The following HAPLN2 variants were observed in gnomAD, a reference collection of about 807,000 sequenced individuals.
The protein encoded by HAPLN2 is hyaluronan and proteoglycan link protein 2.
A neutral mutation model predicts 29.3 loss-of-function variants in HAPLN2; 27 were observed. The observed-to-expected ratio is 0.92, with a 90% CI of 0.68 to 1.27. The LOEUF (loss-of-function observed/expected upper bound fraction) is 1.27. Ranked by LOEUF, HAPLN2 falls within the 50% of genes most tolerant of loss-of-function variation. The probability of loss-of-function intolerance (pLI) is 0.00; values close to 1 mark genes in which losing one functional copy is unlikely to be tolerated. For synonymous variants in HAPLN2, 208 were observed against 211.7 expected, an observed-to-expected ratio of 0.98 and a Z score of 0.15; for missense variants, 454 against 484.3, an observed-to-expected ratio of 0.94 and a Z score of 0.59.
chr1:156,615,733 GCTAA>G (rs960306898), upstream of HAPLN2, among the ~76,000 whole-genome samples: 2 of 151,946 alleles, frequency 1.3e-5, no homozygotes, highest in Admixed American at 1.3e-4. Flanking sequence ...ATCATGCCCG[GCTAA>G]CTTTTTGTAT....
At chr1:156,616,694 T>C (rs1423506543), upstream of HAPLN2, among the ~76,000 whole-genome samples, 1 of 152,162 alleles carries the variant, frequency 6.6e-6, no homozygotes, top group African/African-American at 2.4e-5. Context: ...AGGGGGCTAT[T>C]TGTCTTCTCT....
chr1:156,621,564 C>G (rs1678224665), intron 2 of HAPLN2, among the ~76,000 whole-genome samples: 2 of 151,828 alleles, frequency 1.3e-5, no homozygotes, highest in African/African-American at 4.8e-5. Context: ...TGGTGAAACC[C>G]TGTTTCTACT....
At chr1:156,623,717 T>G in intron 3 of HAPLN2, 90 bp from the exon 4 acceptor site, 1 of 1,490,278 alleles carries the variant, frequency 6.7e-7, no homozygotes, top group Non-Finnish European at 8.9e-7. Flanking sequence ...GTTGGGGGGC[T>G]CTGGAGAAAG....
At chr1:156,613,859 T>C in the HAPLN2 span, among the ~76,000 whole-genome samples, 3 of 149,052 alleles carry the variant, frequency 2.0e-5, no homozygotes, top group Non-Finnish European at 3.0e-5. Context: ...AGAGGTTGCA[T>C]TGAGCCAAGA....
upstream of HAPLN2, among the ~76,000 whole-genome samples, chr1:156,618,947 A>G (rs1678134480): frequency 6.6e-6 from 1 of 152,012 alleles, no homozygotes; most frequent in Non-Finnish European, 1.5e-5. Context: ...GAGGTTTCCA[A>G]AGTCCTTCTG....
Position 156,625,080 on chromosome 1 carries a change from G to T in HAPLN2, c.740-21G>T. The stretch of plus-strand genomic sequence containing the variant: ...TCTCCGCCCACCCTGCCCTCGGTCG[G>T]TGACCCGCTGTGGTCCCCAGGCCAA... On this transcript the variant is annotated intron_variant, in intron 6 of 6. Coordinates refer to ENST00000255039, the MANE Select transcript of HAPLN2 (RefSeq NM_021817.3). The surrounding 1 kb of genome is among the most constrained non-coding windows in gnomAD (Gnocchi z 5.7). The T allele has an allele frequency of 6.5e-7, 1 of 1,534,440 alleles. No individual in the cohort carries two copies. The highest frequency in any genetic ancestry group is 8.7e-7 in the Non-Finnish European group (1 of 1,145,998).
rs1678426058 is a variant in HAPLN2 at position 156,625,597 on chromosome 1, G to A, written c.*213G>A. 12 of 508,908 alleles carry A rather than the reference G, an allele frequency of 2.4e-5. No individual in the cohort carries two copies. Among genetic ancestry groups the A allele is most frequent in the South Asian group, 1.4e-4 (4 of 28,746 alleles). 31.5% of individuals were successfully genotyped at this position (508,908 alleles called of 1,614,324 possible). On this transcript the variant is annotated 3_prime_UTR_variant, in exon 7 of 7. Transcript: ENST00000255039. This position sits in a 1 kb window ranked among gnomAD's most constrained non-coding sequence, Gnocchi z 5.7. ...GGCGCCTCCGGCGGCGAGATGCAGA[G>A]GTGACCCTCGGACCCGCTGCCGTTC...
At chr1:156,609,942 G>A in the HAPLN2 span, among the ~76,000 whole-genome samples, 3 of 152,150 alleles carry the variant, frequency 2.0e-5, no homozygotes, top group South Asian at 2.1e-4. Flanking sequence ...CAGGCTGGGC[G>A]CAGTGGCTCA....
At chr1:156,601,935 A>G in the HAPLN2 span, among the ~76,000 whole-genome samples, 1 of 148,868 alleles carries the variant, frequency 6.7e-6, no homozygotes, top group Non-Finnish European at 1.5e-5. Context: ...TTCATCAAGC[A>G]CTTTTTTTTT....
the HAPLN2 span, among the ~76,000 whole-genome samples, chr1:156,605,718 G>A: frequency 6.6e-6 from 1 of 152,034 alleles, no homozygotes; most frequent in Admixed American, 6.6e-5. Flanking sequence ...GCTACAGACT[G>A]TGGGGTTTTC....
chr1:156,620,474 C>T (rs556717086), intron 2 of HAPLN2, among the ~76,000 whole-genome samples: 5 of 152,172 alleles, frequency 3.3e-5, no homozygotes, highest in Admixed American at 6.5e-5. Context: ...CAATTTTAAA[C>T]GTGTTCATTT....
chr1:156,606,509 G>A, the HAPLN2 span, among the ~76,000 whole-genome samples: 1 of 146,212 alleles, frequency 6.8e-6, no homozygotes, highest in Non-Finnish European at 1.5e-5. Flanking sequence ...TTTTGACAGA[G>A]TTTTTCTGTG....
Position 156,625,006 on chromosome 1 carries a change from C to T in HAPLN2, c.740-95C>T, listed in dbSNP as rs552200914. The T allele has an allele frequency of 4.9e-4, 696 of 1,428,848 alleles. 8 individuals are homozygous for T. The African/African-American group carries it at 8.8e-3, about 18-fold the overall frequency. 88.5% of individuals were successfully genotyped at this position (1,428,848 alleles called of 1,614,324 possible). ...CCTCTTACCCAAGCTCGATCCAGCA[C>T]CTCTGCGGTCCCGCACCCCAACTCC... On this transcript the variant is annotated intron_variant, in intron 6 of 6. Coordinates refer to ENST00000255039, the MANE Select transcript of HAPLN2 (RefSeq NM_021817.3). This position sits in a 1 kb window ranked among gnomAD's most constrained non-coding sequence, Gnocchi z 5.7.
the HAPLN2 span, among the ~76,000 whole-genome samples, chr1:156,603,561 T>C: frequency 2.6e-5 from 4 of 152,158 alleles, no homozygotes; most frequent in African/African-American, 9.7e-5. Context: ...ATATGAAATA[T>C]ATAAGAAGTT....
At chr1:156,623,655 T>G in intron 3 of HAPLN2, 80 bp downstream of exon 3, 1 of 1,583,048 alleles carries the variant, frequency 6.3e-7, no homozygotes, top group Non-Finnish European at 8.6e-7. Context: ...GGGCAGTTGT[T>G]GCAGGTACCC....
At chr1:156,605,598 C>CAAAAAA in the HAPLN2 span, among the ~76,000 whole-genome samples, 41 of 63,422 alleles carry the variant, frequency 6.5e-4, no homozygotes, top group Non-Finnish European at 7.0e-4. Context: ...GACTTGGTCT[C>CAAAAAA]AAAAAAAAAA....
chr1:156,609,624 T>G, the HAPLN2 span, among the ~76,000 whole-genome samples: 2 of 152,346 alleles, frequency 1.3e-5, no homozygotes. Flanking sequence ...CAGTTATAGA[T>G]CTGCTGTTTT....
chr1:156,613,427 C>A, the HAPLN2 span, among the ~76,000 whole-genome samples: 1 of 152,142 alleles, frequency 6.6e-6, no homozygotes, highest in East Asian at 1.9e-4. Flanking sequence ...ACAGTAAAAC[C>A]AAAACCCCTT....
chr1:156,625,696 G>A lies in HAPLN2; in HGVS notation c.*312G>A, dbSNP rs1159783882. 2 of 342,192 alleles carry A rather than the reference G, an allele frequency of 5.8e-6. No homozygotes were observed. The highest frequency in any genetic ancestry group is 5.3e-6 in the Non-Finnish European group (1 of 189,494). 21.2% of individuals were successfully genotyped at this position (342,192 alleles called of 1,614,324 possible). On this transcript the variant is annotated 3_prime_UTR_variant, in exon 7 of 7. Coordinates refer to ENST00000255039, the MANE Select transcript of HAPLN2 (RefSeq NM_021817.3). This position sits in a 1 kb window ranked among gnomAD's most constrained non-coding sequence, Gnocchi z 5.7. ...GCCGGGGGCATTAACTGACCTCTGA[G>A]TACAGCAATAAAATAACCTGGGGAT...
Sources: gnomAD v4.1 joint callset for allele counts (sites outside exome capture counted in the v4.1 genomes callset) on GRCh38, gnomAD v4.1.1 for gene constraint, Gnocchi (gnomAD v3.1) non-coding constraint, MANE v1.5 for transcripts, NCBI Gene and HGNC (gene_info 2026-07-23, HGNC 2026-07-21) for gene names.